SLC14A2: variants seen among roughly 807,000 people sequenced by gnomAD.
The protein encoded by SLC14A2 is urea transporter 2.
Under a neutral mutation model 104.6 loss-of-function variants are expected in SLC14A2, and 91 were observed. The ratio of observed to expected loss-of-function variants is 0.87; its 90% CI spans 0.73 to 1.04. The LOEUF (loss-of-function observed/expected upper bound fraction) is 1.04, where lower values mean the gene tolerates loss of function less well. SLC14A2 is among the 50% of genes least tolerant of loss of function. The probability of loss-of-function intolerance (pLI) is 0.00; values close to 1 mark genes in which losing one functional copy is unlikely to be tolerated. For synonymous variants in SLC14A2, 476 were observed against 466.4 expected (o/e 1.02, Z -0.27); for missense variants, 1,189 against 1,156.0 (o/e 1.03, Z -0.41).
intron 1 of SLC14A2, among the ~76,000 whole-genome samples, chr18:45,270,466 G>C (rs1599631235): frequency 6.6e-6 from 1 of 152,158 alleles, no homozygotes; most frequent in South Asian, 2.1e-4. Flanking sequence ...ACTCTGATGA[G>C]AGCCATAAAA....
At chr18:45,558,096 T>C (rs2044155719) in intron 2 of SLC14A2, among the ~76,000 whole-genome samples, 1 of 152,174 alleles carries the variant, frequency 6.6e-6, no homozygotes, top group South Asian at 2.1e-4. Context: ...TCTACCTTTC[T>C]TCTCCACCTC....
chr18:45,587,806 C>G (rs2044589043), intron 2 of SLC14A2, among the ~76,000 whole-genome samples: 1 of 152,182 alleles, frequency 6.6e-6, no homozygotes, highest in Admixed American at 6.5e-5. Context: ...GAAGCTCCCA[C>G]CCTCACCAGT....
chr18:45,527,804 G>A (rs1373124557), intron 2 of SLC14A2: 1 of 152,182 alleles, frequency 6.6e-6, no homozygotes, highest in Admixed American at 6.5e-5. Flanking sequence ...ACATACAAAT[G>A]TGAATGATTA....
intron 1 of SLC14A2, among the ~76,000 whole-genome samples, chr18:45,432,475 C>G (rs916464074): frequency 7.2e-5 from 11 of 152,142 alleles, no homozygotes; most frequent in African/African-American, 2.7e-4. Flanking sequence ...TGCTGAAACC[C>G]AGGGAGTCCC....
chr18:45,471,619 A>C (rs564350704), intron 1 of SLC14A2, among the ~76,000 whole-genome samples: 6 of 150,934 alleles, frequency 4.0e-5, no homozygotes, highest in Admixed American at 6.6e-5. Flanking sequence ...ATCCATTTTC[A>C]TGTGTTCTGC....
chr18:45,674,067 G>A (rs1027853244), intron 18 of SLC14A2, among the ~76,000 whole-genome samples: 14 of 152,098 alleles, frequency 9.2e-5, no homozygotes, highest in African/African-American at 3.1e-4. Context: ...CAGGTTACTC[G>A]TTACATATGG....
intron 1 of SLC14A2, among the ~76,000 whole-genome samples, chr18:45,415,677 G>A (rs571137448): frequency 1.5e-4 from 23 of 152,246 alleles, no homozygotes; most frequent in Admixed American, 7.2e-4. Flanking sequence ...GCTTATACCC[G>A]AAATGAGAAA....
At chr18:45,469,448 A>G (rs1286768899) in intron 1 of SLC14A2, among the ~76,000 whole-genome samples, 1 of 152,214 alleles carries the variant, frequency 6.6e-6, no homozygotes, top group Admixed American at 6.5e-5. Context: ...GAGCTCAGGG[A>G]TACAGGGGTG....
chr18:45,599,024 AT>A (rs1381153096), intron 2 of SLC14A2, among the ~76,000 whole-genome samples: 1 of 152,250 alleles, frequency 6.6e-6, no homozygotes, highest in Non-Finnish European at 1.5e-5. Flanking sequence ...AAAAGAGGCC[AT>A]AAAACCATGA....
At chr18:45,475,640 AGGAT>A (rs2087351459) in intron 1 of SLC14A2, among the ~76,000 whole-genome samples, 1 of 21,202 alleles carries the variant, frequency 4.7e-5, no homozygotes, top group Non-Finnish European at 9.5e-5. Context: ...ATATATATTT[AGGAT>A]ATATATATAT....
chr18:45,326,493 G>T (rs753913107), intron 1 of SLC14A2, among the ~76,000 whole-genome samples: 4 of 152,126 alleles, frequency 2.6e-5, no homozygotes, highest in Non-Finnish European at 5.9e-5. Context: ...TTATATTGAG[G>T]AGAGGAGCAA....
At chr18:45,417,770 A>T (rs1447260889) in intron 1 of SLC14A2, among the ~76,000 whole-genome samples, 1 of 152,234 alleles carries the variant, frequency 6.6e-6, no homozygotes, top group Non-Finnish European at 1.5e-5. Flanking sequence ...TCTCCTGAAG[A>T]TAATTACTTA....
chr18:45,469,515 TG>T (rs2087205975), intron 1 of SLC14A2, among the ~76,000 whole-genome samples: 1 of 152,176 alleles, frequency 6.6e-6, no homozygotes, highest in South Asian at 2.1e-4. Context: ...GGCAGGCCTT[TG>T]TACCTAATTA....
At chr18:45,187,572 T>C in the SLC14A2 span, among the ~76,000 whole-genome samples, 1 of 152,222 alleles carries the variant, frequency 6.6e-6, no homozygotes, top group Non-Finnish European at 1.5e-5. Flanking sequence ...GGCATCATGG[T>C]ATTGAGAGAC....
At chr18:45,186,683 G>C in the SLC14A2 span, among the ~76,000 whole-genome samples, 1 of 152,178 alleles carries the variant, frequency 6.6e-6, no homozygotes, top group African/African-American at 2.4e-5. Context: ...AGCATCCAGA[G>C]AGTCATAGCT....
upstream of SLC14A2, among the ~76,000 whole-genome samples, chr18:45,614,271 A>T (rs2045023047): frequency 1.3e-5 from 2 of 152,244 alleles, no homozygotes; most frequent in Admixed American, 1.3e-4. Context: ...ATTTCAGAGG[A>T]TGTATGAAAC....
At chr18:45,659,224 C>T (rs1037509961) in intron 10 of SLC14A2, among the ~76,000 whole-genome samples, 9 of 152,216 alleles carry the variant, frequency 5.9e-5, no homozygotes, top group Non-Finnish European at 8.8e-5. Context: ...AGTCCCTGGG[C>T]TCAGGCCCTC....
intron 1 of SLC14A2, among the ~76,000 whole-genome samples, chr18:45,241,366 G>A (rs1018863623): frequency 6.6e-6 from 1 of 152,246 alleles, no homozygotes; most frequent in Admixed American, 6.5e-5. Context: ...GAAGATTTAG[G>A]AGGCCAGTTA....
At chr18:45,625,987 GA>G in intron 3 of SLC14A2, 124 bp downstream of exon 3, 2 of 657,480 alleles carry the variant, frequency 3.0e-6, no homozygotes, top group Non-Finnish European at 4.5e-6. Flanking sequence ...ATCTGCCCAG[GA>G]CTGGACCTCA....
Sources: gnomAD v4.1 joint callset for allele counts (sites outside exome capture counted in the v4.1 genomes callset) on GRCh38, gnomAD v4.1.1 for gene constraint, MANE v1.5 for transcripts, NCBI Gene and HGNC (gene_info 2026-07-23, HGNC 2026-07-21) for gene names.